Variants in RNF144A observed in about 807,000 individuals in gnomAD.
RNF144A encodes the protein E3 ubiquitin-protein ligase RNF144A.
RNF144A carries 11 observed loss-of-function variants against 38.7 expected under a neutral mutation model. The ratio of observed to expected loss-of-function variants is 0.28; its 90% confidence interval spans 0.18 to 0.47. The LOEUF (loss-of-function observed/expected upper bound fraction) is 0.47. Among genes scored for constraint, RNF144A ranks in the 20% least tolerant of loss-of-function variants. The pLI is 0.99. For synonymous variants in RNF144A, 149 were observed against 143.9 expected (o/e 1.04, Z -0.25); for missense variants, 316 against 377.2 (o/e 0.84, Z 1.34).
intron 3 of RNF144A, among the ~76,000 whole-genome samples, chr2:7,011,810 G>A (rs1670833863): frequency 6.6e-6 from 1 of 152,128 alleles, no homozygotes; most frequent in Admixed American, 6.5e-5. Context: ...AAGAAAGCTG[G>A]GCTTGTTTTT....
At chr2:7,033,123 G>A (rs1672436863) in intron 8 of RNF144A, among the ~76,000 whole-genome samples, 2 of 152,246 alleles carry the variant, frequency 1.3e-5, no homozygotes, top group Non-Finnish European at 1.5e-5. Context: ...GCTTTCCACA[G>A]GGACTCTGGC....
At chr2:7,033,002 G>T (rs951170133) in intron 8 of RNF144A, among the ~76,000 whole-genome samples, 1 of 152,260 alleles carries the variant, frequency 6.6e-6, no homozygotes, top group African/African-American at 2.4e-5. Flanking sequence ...AGTGGATGCT[G>T]TTGTGTGCAC....
At position 7,030,299 on chromosome 2, in the gene RNF144A, GTGTGTGTA is replaced by G. The variant is rs1404910191; in HGVS notation, c.747+88_747+95del. On this transcript the variant is annotated intron_variant, in intron 8 of 8. Coordinates refer to ENST00000320892, the MANE Select transcript of RNF144A (RefSeq NM_014746.6). ...TGTGTGTGTGTGTGTGTGTGTGTGT[GTGTGTGTA>G]TGTATATCTTTAGTGTTTCCAGACT... The G allele has an allele frequency of 1.1e-3, 704 of 664,000 alleles. 1 individual carries two copies. Among genetic ancestry groups the G allele is most frequent in the South Asian group, 2.1e-3 (77 of 36,832 alleles). 41.1% of individuals were successfully genotyped at this position (664,000 alleles called of 1,614,324 possible). A position where few individuals can be genotyped will look rare whatever the true frequency, so the allele number is the denominator to read the frequency against.
At chr2:6,985,012 C>A (rs897048636) in intron 2 of RNF144A, among the ~76,000 whole-genome samples, 1 of 152,168 alleles carries the variant, frequency 6.6e-6, no homozygotes, top group Non-Finnish European at 1.5e-5. Flanking sequence ...TCAGTGTTTC[C>A]CATGCTCTCT....
chr2:6,989,886 A>G (rs1271999346), intron 2 of RNF144A, among the ~76,000 whole-genome samples: 1 of 152,174 alleles, frequency 6.6e-6, no homozygotes, highest in Non-Finnish European at 1.5e-5. Flanking sequence ...AAAAAGAAGA[A>G]AAAAGACCTT....
At chr2:7,033,493 C>T (rs2103451462) in intron 8 of RNF144A, among the ~76,000 whole-genome samples, 1 of 152,370 alleles carries the variant, frequency 6.6e-6, no homozygotes, top group East Asian at 1.9e-4. Flanking sequence ...TGAACTTTGG[C>T]CTGCAGCGCC....
chr2:6,997,431 G>A (rs1669822408), intron 3 of RNF144A, among the ~76,000 whole-genome samples: 1 of 152,246 alleles, frequency 6.6e-6, no homozygotes, highest in African/African-American at 2.4e-5. Context: ...TGCTAACCTA[G>A]TGATTGTGTG....
chr2:7,071,119 A>G (rs990737090), downstream of RNF144A, among the ~76,000 whole-genome samples: 14 of 152,164 alleles, frequency 9.2e-5, no homozygotes, highest in African/African-American at 3.4e-4. Flanking sequence ...TATTTTTAGT[A>G]GAGACAGAGT....
intron 2 of RNF144A, among the ~76,000 whole-genome samples, chr2:6,973,423 C>G (rs530046735): frequency 1.3e-5 from 2 of 152,298 alleles, no homozygotes; most frequent in South Asian, 4.1e-4. Context: ...ATGTAAGGCC[C>G]TCGTATTGCC....
At position 6,947,825 on chromosome 2, in the gene RNF144A, G is replaced by A. The variant is rs185697277; in HGVS notation, c.-12+6678G>A. ...GTGAGGCCTGGCTCTGCCCTGTCCT[G>A]CCCACGTGATCTGGAGAAGCCACTT... On this transcript the variant is annotated intron_variant, in intron 2 of 8. Transcript: ENST00000320892. Among the ~76,000 whole-genome samples the A allele has an allele frequency of 4.9e-3, 746 of 152,278 alleles. 7 individuals carry two copies. Among genetic ancestry groups the A allele is most frequent in the African/African-American group, 0.017 (698 of 41,556 alleles).
At chr2:7,046,550 G>C (rs1673314014), downstream of RNF144A, among the ~76,000 whole-genome samples, 1 of 152,218 alleles carries the variant, frequency 6.6e-6, no homozygotes, top group Admixed American at 6.5e-5. Context: ...AGTACATTTT[G>C]GTGATAAAAT....
chr2:7,057,636 A>C (rs947059782), intron 6 of RNF144A, among the ~76,000 whole-genome samples: 1 of 152,202 alleles, frequency 6.6e-6, no homozygotes, highest in Non-Finnish European at 1.5e-5. Flanking sequence ...TTCACCTTTC[A>C]TGCAGGAGAG....
chr2:7,050,890 G>A (rs150683193), intron 6 of RNF144A, among the ~76,000 whole-genome samples: 5 of 152,318 alleles, frequency 3.3e-5, no homozygotes, highest in South Asian at 4.1e-4. Context: ...CTCAGACCCC[G>A]TCTATATTTA....
chr2:7,042,045 T>A lies in RNF144A; in HGVS notation c.*2285T>A. 1.0e-6 allele frequency: 1 copy of A among 985,388 alleles called. No homozygotes were observed. Among genetic ancestry groups the A allele is most frequent in the Non-Finnish European group, 1.2e-6 (1 of 829,918 alleles). 61.0% of individuals were successfully genotyped at this position (985,388 alleles called of 1,614,324 possible). ...TGGGGCCAGCCAGGGGCAGTCAAAT[T>A]GGCACCTACTGGCTCTGACTTTTTG... On this transcript the variant is annotated 3_prime_UTR_variant, in exon 9 of 9. Transcript: ENST00000320892.
chr2:7,047,030 A>G (rs1373972973), downstream of RNF144A, among the ~76,000 whole-genome samples: 1 of 152,234 alleles, frequency 6.6e-6, no homozygotes, highest in Non-Finnish European at 1.5e-5. Flanking sequence ...TGAAAAGCCC[A>G]AAATGCAAAA....
At position 6,922,248 on chromosome 2, in the gene RNF144A, C is replaced by CGACTGGGAACCTCT. The variant is rs150559985; in HGVS notation, c.-212+4628_-212+4629insCTGGGAACCTCTGA. Among the ~76,000 whole-genome samples, 3 of 7,440 alleles carry CGACTGGGAACCTCT rather than the reference C, an allele frequency of 4.0e-4. No individual in the cohort carries two copies. The Non-Finnish European group carries it at 6.1e-3, about 15-fold the overall frequency. 4.9% of individuals were successfully genotyped at this position (7,440 alleles called of 152,430 possible). On this transcript the variant is annotated intron_variant, in intron 1 of 8. Coordinates refer to ENST00000320892, the MANE Select transcript of RNF144A (RefSeq NM_014746.6). ...GTGACCCATAGTTGACTGGGGCCAG[C>CGACTGGGAACCTCT]GAACTAGACATTAGCCCCGTGCATG...
chr2:7,004,276 C>T lies in RNF144A; in HGVS notation c.135+7215C>T, dbSNP rs148406950. ...GCAAAATGGTGGTGGCTGCAGATGT[C>T]ACTTACTCCCCTGTCCATAAGTGGG... On this transcript the variant is annotated intron_variant, in intron 3 of 8. Coordinates refer to ENST00000320892, the MANE Select transcript of RNF144A (RefSeq NM_014746.6). Among the ~76,000 whole-genome samples the T allele has an allele frequency of 3.3e-5, 5 of 152,364 alleles. No individual in the cohort carries two copies. The East Asian group carries it at 9.6e-4, about 29-fold the overall frequency.
intron 2 of RNF144A, among the ~76,000 whole-genome samples, chr2:6,950,890 AT>A (rs1261997419): frequency 3.3e-5 from 5 of 152,010 alleles, no homozygotes; most frequent in African/African-American, 1.2e-4. Context: ...ATTTGAACTC[AT>A]TTTCCTGTAT....
chr2:7,005,036 A>G (rs1670350850), intron 3 of RNF144A, among the ~76,000 whole-genome samples: 1 of 152,198 alleles, frequency 6.6e-6, no homozygotes, highest in South Asian at 2.1e-4. Flanking sequence ...CTATGGTTTT[A>G]TCTCTGCATT....
Sources: gnomAD v4.1 joint callset for allele counts (sites outside exome capture counted in the v4.1 genomes callset) on GRCh38, gnomAD v4.1.1 for gene constraint, MANE v1.5 for transcripts, NCBI Gene and HGNC (gene_info 2026-07-23, HGNC 2026-07-21) for gene names.